GALNT2: variants seen among roughly 807,000 people sequenced by gnomAD.
GALNT2 encodes the protein polypeptide N-acetylgalactosaminyltransferase 2.
A neutral mutation model predicts 81.4 loss-of-function variants in GALNT2; 31 were observed. That is an observed-to-expected ratio of 0.38 (90% CI 0.29 to 0.51). The LOEUF (loss-of-function observed/expected upper bound fraction) is 0.51, where lower values mean the gene tolerates loss of function less well. Among genes scored for constraint, GALNT2 ranks in the 20% least tolerant of loss-of-function variants. The pLI is 0.87. For synonymous variants in GALNT2, 303 were observed against 287.4 expected (o/e 1.05, Z -0.55); for missense variants, 629 against 765.7 (o/e 0.82, Z 2.11).
At chr1:230,194,104 G>C (rs2102699250) in intron 2 of GALNT2, among the ~76,000 whole-genome samples, 1 of 152,376 alleles carries the variant, frequency 6.6e-6, no homozygotes, top group East Asian at 1.9e-4. Context: ...TGGGTTACGG[G>C]AGGGAGAAGA....
chr1:230,198,690 G>C (rs528016579), intron 2 of GALNT2, among the ~76,000 whole-genome samples: 1 of 152,310 alleles, frequency 6.6e-6, no homozygotes, highest in African/African-American at 2.4e-5. Flanking sequence ...GACTTGTTCT[G>C]TCTGCGGAAT....
chr1:230,097,143 C>T (rs182368996), intron 1 of GALNT2, among the ~76,000 whole-genome samples: 1 of 152,190 alleles, frequency 6.6e-6, no homozygotes, highest in Non-Finnish European at 1.5e-5. Context: ...ATAAAACTGT[C>T]AATCCAGATT....
At chr1:230,121,816 A>G (rs1450082031) in intron 1 of GALNT2, among the ~76,000 whole-genome samples, 1 of 152,200 alleles carries the variant, frequency 6.6e-6, no homozygotes, top group Admixed American at 6.5e-5. Flanking sequence ...TGGGAGCATC[A>G]GTAACTTGCT....
chr1:230,248,272 G>A (rs1665437084), intron 8 of GALNT2, among the ~76,000 whole-genome samples: 1 of 152,228 alleles, frequency 6.6e-6, no homozygotes, highest in Non-Finnish European at 1.5e-5. Flanking sequence ...CAAAAGCCCT[G>A]TTGACAAAAA....
At chr1:230,143,568 G>A (rs1661817847) in intron 1 of GALNT2, among the ~76,000 whole-genome samples, 2 of 152,186 alleles carry the variant, frequency 1.3e-5, no homozygotes. Context: ...GTGCAGTAGG[G>A]GCCAAGGAGA....
intron 1 of GALNT2, among the ~76,000 whole-genome samples, chr1:230,170,347 T>C (rs1189988390): frequency 1.3e-5 from 2 of 152,148 alleles, no homozygotes; most frequent in African/African-American, 4.8e-5. Flanking sequence ...GTCTCTAGGG[T>C]ATATTACGTT....
intron 2 of GALNT2, among the ~76,000 whole-genome samples, chr1:230,182,940 C>A (rs6657598): frequency 6.6e-6 from 1 of 152,168 alleles, no homozygotes; most frequent in Non-Finnish European, 1.5e-5. Context: ...TCCTTTTAGG[C>A]ACATACACAT....
At chr1:230,148,909 T>G (rs902448818) in intron 1 of GALNT2, among the ~76,000 whole-genome samples, 1 of 150,320 alleles carries the variant, frequency 6.7e-6, no homozygotes, top group African/African-American at 2.5e-5. Context: ...ACCTTTTTTT[T>G]AAACAGGGCC....
chr1:230,124,109 C>G lies in GALNT2; in HGVS notation c.127-54109C>G, dbSNP rs1265168017. 3.3e-5 allele frequency among the ~76,000 whole-genome samples: 5 copies of G among 152,244 alleles called. 1 individual carries two copies. In the East Asian group the frequency reaches 9.6e-4, roughly 29 times the overall value. ...TAAACCAGTCACGTGCCTGGCTCAACTTTAAAAAGAAGTAAAGACATTGTC... is the reference window on the plus strand; with the variant it reads ...TAAACCAGTCACGTGCCTGGCTCAAGTTTAAAAAGAAGTAAAGACATTGTC... On this transcript the variant is annotated intron_variant, in intron 1 of 15. Transcript: ENST00000366672.
At chr1:230,118,305 A>G (rs1335795347) in intron 1 of GALNT2, among the ~76,000 whole-genome samples, 1 of 152,248 alleles carries the variant, frequency 6.6e-6, no homozygotes, top group East Asian at 1.9e-4. Context: ...TAAAGGTGTT[A>G]GGAACATTTG....
At chr1:230,244,478 C>CA (rs1665303315) in intron 7 of GALNT2, among the ~76,000 whole-genome samples, 1 of 150,454 alleles carries the variant, frequency 6.6e-6, no homozygotes, top group East Asian at 2.0e-4. Context: ...AATCCCCACC[C>CA]ACCCCAACCC....
At chr1:230,151,393 A>G (rs1057126854) in intron 1 of GALNT2, among the ~76,000 whole-genome samples, 8 of 152,236 alleles carry the variant, frequency 5.3e-5, no homozygotes, top group Non-Finnish European at 7.3e-5. Context: ...CAGGAAGCTC[A>G]GGATGATGGC....
In GALNT2 at chr1:230,107,791, A is replaced by G. The variant is rs1166992011; in HGVS notation, c.126+40385A>G. Among the ~76,000 whole-genome samples, 3 of 152,224 alleles carry G rather than the reference A, an allele frequency of 2.0e-5. No individual in the cohort carries two copies. In the East Asian group the frequency reaches 5.8e-4, roughly 29 times the overall value. ...ACAGAAATCTTCCTAGACGATGTTT[A>G]TCACACTCAAGACATTAAAAATTAG... On this transcript the variant is annotated intron_variant, in intron 1 of 15. Transcript: ENST00000366672.
chr1:230,279,489 C>G lies in GALNT2; in HGVS notation c.*31C>G. 6.2e-7 allele frequency: 1 copy of G among 1,605,072 alleles called. No individual in the cohort carries two copies. The highest frequency in any genetic ancestry group is 8.5e-7 in the Non-Finnish European group (1 of 1,174,642). On this transcript the variant is annotated 3_prime_UTR_variant, in exon 16 of 16. Transcript: ENST00000366672. The surrounding 1 kb of genome is among the most constrained non-coding windows in gnomAD (Gnocchi z 4.6). ...TCCGGGAGGCCCTGCCGTCCTGTCT[C>G]CTGCACCATTGGGTGGAGTCTGGTG...
chr1:230,136,148 T>G lies in GALNT2; in HGVS notation c.127-42070T>G, dbSNP rs558690937. Among the ~76,000 whole-genome samples the G allele has an allele frequency of 1.3e-4, 20 of 152,320 alleles. No homozygotes were observed. The South Asian group carries it at 3.9e-3, about 30-fold the overall frequency. On this transcript the variant is annotated intron_variant, in intron 1 of 15. Transcript: ENST00000366672. ...GAGGCACTTAGTCAGCGTCACCTCC[T>G]TCCCATCTTCTCAGGAGTTGGAGGG...
intron 2 of GALNT2, among the ~76,000 whole-genome samples, chr1:230,199,644 A>T (rs1280936326): frequency 6.6e-6 from 1 of 152,174 alleles, no homozygotes; most frequent in Non-Finnish European, 1.5e-5. Context: ...AAGCCCCTGT[A>T]GTATTCCAGT....
At chr1:230,130,173 C>G (rs1398226720) in intron 1 of GALNT2, among the ~76,000 whole-genome samples, 1 of 152,220 alleles carries the variant, frequency 6.6e-6, no homozygotes, top group Non-Finnish European at 1.5e-5. Flanking sequence ...TATTTGAAGA[C>G]CTTTCTCATC....
intron 1 of GALNT2, among the ~76,000 whole-genome samples, chr1:230,102,270 C>G (rs1011641962): frequency 3.3e-5 from 5 of 152,146 alleles, no homozygotes; most frequent in Non-Finnish European, 7.3e-5. Flanking sequence ...CAGTGCCTTG[C>G]GAGGGCCCGG....
intron 9 of GALNT2, among the ~76,000 whole-genome samples, chr1:230,249,892 A>G (rs1035344875): frequency 6.6e-6 from 1 of 152,196 alleles, no homozygotes; most frequent in Non-Finnish European, 1.5e-5. Flanking sequence ...TTTACACTGA[A>G]TTCGCACAGC....
Sources: allele counts gnomAD v4.1 joint callset (sites outside exome capture counted in the v4.1 genomes callset), GRCh38; gene constraint gnomAD v4.1.1; non-coding constraint Gnocchi (gnomAD v3.1); transcripts MANE v1.5; gene names NCBI Gene and HGNC (gene_info 2026-07-23, HGNC 2026-07-21).